KCNH1: variants seen among roughly 807,000 people sequenced by gnomAD.
KCNH1 encodes the protein potassium voltage-gated channel subfamily H member 1, also known as voltage-gated delayed rectifier potassium channel KCNH1.
Under a neutral mutation model 69.2 loss-of-function variants are expected in KCNH1, and 27 were observed. The ratio of observed to expected loss-of-function variants is 0.39; its 90% CI spans 0.29 to 0.54. KCNH1 has a LOEUF of 0.54. Among genes scored for constraint, KCNH1 ranks in the 20% least tolerant of loss-of-function variants. The probability of loss-of-function intolerance (pLI) is 0.68; values close to 1 mark genes in which losing one functional copy is unlikely to be tolerated. For synonymous variants in KCNH1, 456 were observed against 487.7 expected (o/e 0.93, Z 0.86); for missense variants, 798 against 1,261.6 (o/e 0.63, Z 5.57).
chr1:210,978,857 A>G (rs544309988), intron 6 of KCNH1, among the ~76,000 whole-genome samples: 2 of 152,224 alleles, frequency 1.3e-5, no homozygotes, highest in Non-Finnish European at 2.9e-5. Context: ...ACATGCACTC[A>G]AAGTCCAAGC....
At chr1:210,902,379 A>C (rs186979576) in intron 7 of KCNH1, among the ~76,000 whole-genome samples, 283 of 152,334 alleles carry the variant, frequency 1.9e-3, no homozygotes, top group African/African-American at 6.4e-3. Context: ...GCTGCTGACC[A>C]TGGTCTCTAT....
At chr1:210,700,594 C>T (rs1368809170) in intron 10 of KCNH1, among the ~76,000 whole-genome samples, 2 of 152,190 alleles carry the variant, frequency 1.3e-5, no homozygotes, top group African/African-American at 4.8e-5. Context: ...TTGCTATTTA[C>T]ATCTGTGGAA....
chr1:210,923,317 C>T (rs1687502396), intron 6 of KCNH1, among the ~76,000 whole-genome samples: 1 of 152,226 alleles, frequency 6.6e-6, no homozygotes, highest in Admixed American at 6.5e-5. Flanking sequence ...GGTCATCCAG[C>T]CTCTCCTCGA....
At chr1:211,091,944 A>C (rs1269320896) in intron 3 of KCNH1, among the ~76,000 whole-genome samples, 1 of 152,210 alleles carries the variant, frequency 6.6e-6, no homozygotes, top group Non-Finnish European at 1.5e-5. Context: ...AAAGCAATCC[A>C]ATGTTCTTTT....
At chr1:211,051,790 C>A (rs1690210596) in intron 5 of KCNH1, among the ~76,000 whole-genome samples, 1 of 152,158 alleles carries the variant, frequency 6.6e-6, no homozygotes, top group Admixed American at 6.5e-5. Context: ...ATCCTCACAA[C>A]AATCTCTTAG....
chr1:210,782,760 G>T (rs192101946), intron 9 of KCNH1, among the ~76,000 whole-genome samples: 17 of 152,122 alleles, frequency 1.1e-4, no homozygotes, highest in Admixed American at 2.0e-4. Context: ...AAAGATTAGT[G>T]CCCTTATAAA....
intron 5 of KCNH1, among the ~76,000 whole-genome samples, chr1:211,037,050 T>A (rs1232657951): frequency 3.9e-5 from 6 of 152,240 alleles, no homozygotes; most frequent in African/African-American, 1.4e-4. Context: ...TTTCTCTTGA[T>A]GAAAAATAGG....
At position 210,885,060 on chromosome 1, in the gene KCNH1, G is replaced by T. The variant is rs186766663; in HGVS notation, c.1462+34580C>A. Among the ~76,000 whole-genome samples the T allele has an allele frequency of 1.9e-3, 290 of 152,324 alleles. 8 individuals carry two copies. The highest frequency in any genetic ancestry group is 0.019 in the Admixed American group (290 of 15,294). On this transcript the variant is annotated intron_variant, in intron 7 of 10. Transcript: ENST00000271751. ...TTTGCCTTCAGTAGGCACTACCAGT[G>T]CACACAGATAAGGACTGAGGCCAAG...
At chr1:211,049,008 G>A (rs1030028215) in intron 5 of KCNH1, among the ~76,000 whole-genome samples, 1 of 151,950 alleles carries the variant, frequency 6.6e-6, no homozygotes, top group East Asian at 1.9e-4. Context: ...TAAGAAGAAA[G>A]GGAGACTGAT....
chr1:211,055,497 A>G (rs941680402), intron 5 of KCNH1, among the ~76,000 whole-genome samples: 3 of 152,224 alleles, frequency 2.0e-5, no homozygotes, highest in African/African-American at 4.8e-5. Context: ...CACAAGGACT[A>G]TAATTCCTGG....
chr1:210,877,624 A>G (rs755259065), intron 7 of KCNH1, among the ~76,000 whole-genome samples: 15 of 152,184 alleles, frequency 9.9e-5, no homozygotes, highest in East Asian at 1.9e-4. Context: ...TATTCAATCC[A>G]TTTATTTTGC....
chr1:210,726,394 T>C (rs1682591222), intron 10 of KCNH1, among the ~76,000 whole-genome samples: 1 of 152,170 alleles, frequency 6.6e-6, no homozygotes, highest in Non-Finnish European at 1.5e-5. Flanking sequence ...CTATAATAAT[T>C]CATGCAGAGG....
intron 10 of KCNH1, among the ~76,000 whole-genome samples, chr1:210,724,779 A>G (rs1248380723): frequency 3.3e-5 from 5 of 152,146 alleles, no homozygotes; most frequent in South Asian, 2.1e-4. Context: ...CTCGTGGCCA[A>G]TGTCACCCTC....
At chr1:210,718,801 G>A (rs976238764) in intron 10 of KCNH1, among the ~76,000 whole-genome samples, 1 of 151,566 alleles carries the variant, frequency 6.6e-6, no homozygotes, top group Admixed American at 6.6e-5. Context: ...CATGTGGCCA[G>A]TGGCTACCAC....
intron 5 of KCNH1, among the ~76,000 whole-genome samples, chr1:211,035,076 CAG>C (rs1014101842): frequency 2.0e-5 from 3 of 152,070 alleles, no homozygotes; most frequent in African/African-American, 7.2e-5. Context: ...AGGTTGACCA[CAG>C]ACTCTCCCCT....
At chr1:210,791,836 C>T (rs1684219270) in intron 9 of KCNH1, among the ~76,000 whole-genome samples, 1 of 152,102 alleles carries the variant, frequency 6.6e-6, no homozygotes, top group Non-Finnish European at 1.5e-5. Flanking sequence ...GGTCAATGAA[C>T]ACAAGGAAGC....
chr1:210,821,325 G>A (rs1303439023), intron 7 of KCNH1, among the ~76,000 whole-genome samples: 1 of 152,094 alleles, frequency 6.6e-6, no homozygotes, highest in East Asian at 1.9e-4. Flanking sequence ...ATAAAAATTA[G>A]ACCAACTTTC....
chr1:211,108,501 C>A (rs1028179389), intron 1 of KCNH1: 2 of 152,062 alleles, frequency 1.3e-5, no homozygotes, highest in East Asian at 3.9e-4. Context: ...ATATGGGTAA[C>A]CATCCCTTCA....
chr1:211,019,333 T>A, intron 5 of KCNH1, 77 bp from the exon 6 acceptor site: 1 of 890,966 alleles, frequency 1.1e-6, no homozygotes. Flanking sequence ...GCATCAGTGA[T>A]TGACAAATGG....
Sources: allele counts gnomAD v4.1 joint callset (sites outside exome capture counted in the v4.1 genomes callset), GRCh38; gene constraint gnomAD v4.1.1; transcripts MANE v1.5; gene names NCBI Gene and HGNC (gene_info 2026-07-23, HGNC 2026-07-21).